SMARCA4: variants seen among roughly 807,000 people sequenced by gnomAD.
The protein encoded by SMARCA4 is SWI/SNF-related matrix-associated actin-dependent regulator of chromatin subfamily A member 4.
A neutral mutation model predicts 193.9 loss-of-function variants in SMARCA4; 31 were observed. The observed-to-expected ratio is 0.16, with a 90% confidence interval of 0.12 to 0.22. SMARCA4 has a LOEUF of 0.22. Ranked by LOEUF, SMARCA4 falls within the 10% of genes least tolerant of loss-of-function variation. SMARCA4 has a pLI of 1.00. For synonymous variants in SMARCA4, 942 were observed against 933.1 expected (o/e 1.01, Z -0.17); for missense variants, 1,148 against 2,296.0 (o/e 0.50, Z 10.22).
At position 11,035,151 on chromosome 19, in the gene SMARCA4, C is replaced by T. The variant is rs2146705623; in HGVS notation, c.4170+19C>T. 6 of 1,602,478 alleles carry T rather than the reference C, an allele frequency of 3.7e-6. No homozygotes were observed. Among genetic ancestry groups the T allele is most frequent in the Non-Finnish European group, 5.1e-6 (6 of 1,174,764 alleles). ...GCTCAAGGTACATGCTGGAGAGGCC[C>T]AGCAGCTGCCGCAGGCCAGCGCCAG... On this transcript the variant is annotated intron_variant, in intron 29 of 34. Coordinates refer to ENST00000344626, the MANE Select transcript of SMARCA4 (RefSeq NM_003072.5).
In SMARCA4 at chr19:10,971,955, A is replaced by AT. The variant is rs539620346; in HGVS notation, c.-32+10799dup. Among the ~76,000 whole-genome samples the AT allele has an allele frequency of 5.8e-3, 727 of 125,180 alleles. 6 individuals are homozygous for AT. Among genetic ancestry groups the AT allele is most frequent in the Non-Finnish European group, 7.4e-3 (436 of 58,576 alleles). 82.1% of individuals were successfully genotyped at this position (125,180 alleles called of 152,430 possible). A position where few individuals can be genotyped will look rare whatever the true frequency, so the allele number is the denominator to read the frequency against. On this transcript the variant is annotated intron_variant, in intron 1 of 34. Transcript: ENST00000344626. ...AGGCGTGCACCACCACGCTTGGCTA[A>AT]TTTTTTTTTTTTTTTTTTGAGACGG...
intron 23 of SMARCA4, 47 bp from the exon 24 acceptor site, chr19:11,027,737 C>T (rs2146538909): frequency 1.2e-6 from 2 of 1,610,320 alleles, no homozygotes; most frequent in Admixed American, 1.7e-5. Context: ...TGCAGGGTTC[C>T]AGGTTTAACA....
At chr19:10,995,896 C>T in intron 9 of SMARCA4, 1 of 433,456 alleles carries the variant, frequency 2.3e-6, no homozygotes, top group Non-Finnish European at 4.4e-6. Flanking sequence ...GGGAGGGATG[C>T]ACCTTGGACT....
At chr19:11,002,756 C>T (rs887291458) in intron 11 of SMARCA4, among the ~76,000 whole-genome samples, 8 of 146,436 alleles carry the variant, frequency 5.5e-5, no homozygotes, top group African/African-American at 2.0e-4. Context: ...GCCGAGATCA[C>T]GCCACTGCAC....
intron 30 of SMARCA4, chr19:11,056,074 A>G (rs1231987628): frequency 6.6e-6 from 1 of 152,244 alleles, no homozygotes; most frequent in African/African-American, 2.4e-5. Flanking sequence ...AAGAGAGAGG[A>G]GAGCTCTTTG....
intron 21 of SMARCA4, among the ~76,000 whole-genome samples, chr19:11,024,836 C>G (rs1428055375): frequency 6.6e-6 from 1 of 152,142 alleles, no homozygotes; most frequent in East Asian, 1.9e-4. Flanking sequence ...TGAAATTATC[C>G]TCCCAGGAAA....
chr19:10,979,743 G>A (rs1170196894), intron 1 of SMARCA4, among the ~76,000 whole-genome samples: 1 of 151,366 alleles, frequency 6.6e-6, no homozygotes, highest in East Asian at 1.9e-4. Context: ...TATTATAGAC[G>A]TGACCCACCA....
intron 23 of SMARCA4, among the ~76,000 whole-genome samples, chr19:11,026,721 ACTC>A (rs1312944517): frequency 6.6e-6 from 1 of 151,130 alleles, no homozygotes; most frequent in African/African-American, 2.4e-5. Flanking sequence ...CTGATCTTGA[ACTC>A]CTGACCTCAA....
chr19:11,056,315 C>G (rs2076543991), intron 30 of SMARCA4: 1 of 152,226 alleles, frequency 6.6e-6, no homozygotes, highest in Admixed American at 6.5e-5. Flanking sequence ...GGCCACCAGC[C>G]CGCTCATAGG....
At chr19:11,002,331 T>G (rs2087714114) in intron 11 of SMARCA4, among the ~76,000 whole-genome samples, 1 of 151,928 alleles carries the variant, frequency 6.6e-6, no homozygotes, top group South Asian at 2.1e-4. Flanking sequence ...TACTAAAAAT[T>G]AGCTGGGCAT....
In SMARCA4 at chr19:11,019,781, C is replaced by A; in HGVS notation, c.2616+80C>A. Reference sequence around the variant, plus strand: ...TCACGCTGCCCGTCTCCTCCAAAGCCCCTACAAGTTTCTTCCCGGAGTCCC... The same window carrying A: ...TCACGCTGCCCGTCTCCTCCAAAGCACCTACAAGTTTCTTCCCGGAGTCCC... On this transcript the variant is annotated intron_variant, in intron 18 of 34. Transcript: ENST00000344626. This position sits in a 1 kb window ranked among gnomAD's most constrained non-coding sequence, Gnocchi z 6.1. 1.0e-6 allele frequency: 1 copy of A among 993,054 alleles called. No homozygotes were observed. The highest frequency in any genetic ancestry group is 1.6e-6 in the Non-Finnish European group (1 of 634,214). 61.5% of individuals were successfully genotyped at this position (993,054 alleles called of 1,614,324 possible). A position where few individuals can be genotyped will look rare whatever the true frequency, so the allele number is the denominator to read the frequency against.
rs777376265 is a variant in SMARCA4, at chr19:11,008,221, A to C, written c.2123+198A>C. On this transcript the variant is annotated intron_variant, in intron 14 of 34. Coordinates refer to ENST00000344626, the MANE Select transcript of SMARCA4 (RefSeq NM_003072.5). ...GATTTAATAGAGCAATTGCATTCGC[A>C]TGGTTCACCATATGCTTACGAGGTA... 7.2e-6 allele frequency: 4 copies of C among 558,390 alleles called. No homozygotes were observed. In the African/African-American group the frequency reaches 7.4e-5, roughly 10 times the overall value. The allele number at this position is 558,390 out of a possible 1,614,324, so 34.6% of individuals were successfully genotyped here.
rs753542143 is a variant in SMARCA4 at position 11,019,001 on chromosome 19, C to T, written c.2483C>T (p.Ser828Phe). 1 of 1,614,110 alleles carries T rather than the reference C, an allele frequency of 6.2e-7. No homozygotes were observed. Among genetic ancestry groups the T allele is most frequent in the Non-Finnish European group, 8.5e-7 (1 of 1,179,914 alleles). Residue 828 changes from serine (S) to phenylalanine (F), a missense_variant, in exon 17 of 35, where the codon TCC becomes TTC. Transcript: ENST00000344626. This position sits in a 1 kb window ranked among gnomAD's most constrained non-coding sequence, Gnocchi z 6.1. ...WAYEFDKWAPSVVKVSYKGSP... is the reference protein window; with the variant it reads ...WAYEFDKWAPFVVKVSYKGSP... ...TACGAGTTTGACAAGTGGGCCCCCT[C>T]CGTGGTGAAGGTGTCTTACAAGGTA...
chr19:11,046,749 A>T (rs898255901), intron 30 of SMARCA4, among the ~76,000 whole-genome samples: 5 of 152,160 alleles, frequency 3.3e-5, no homozygotes, highest in Non-Finnish European at 5.9e-5. Flanking sequence ...TGAGACCAAG[A>T]GTACGAGACC....
rs142239937 is a variant in SMARCA4 at position 11,025,530 on chromosome 19, C to T, written c.3168+22C>T. ...CGAGGTGAGCCCGCCGCGGCTGGGA[C>T]GGCTCAGGCCCTGCTGTCTGCTGAG... On this transcript the variant is annotated intron_variant, in intron 22 of 34. Coordinates refer to ENST00000344626, the MANE Select transcript of SMARCA4 (RefSeq NM_003072.5). The T allele has an allele frequency of 4.3e-4, 686 of 1,586,744 alleles. 1 individual carries two copies. In the African/African-American group the frequency reaches 8.3e-3, roughly 19 times the overall value.
rs1275075876 is a variant in SMARCA4 at position 11,021,769 on chromosome 19, G to A, written c.2661G>A (p.Lys887=). The change falls in exon 19 of 35, where the codon AAG becomes AAA. Residue 887 remains lysine (K), a synonymous_variant. Transcript: ENST00000344626. ...TTGTGGACGAAGGTCACCGCATGAA[G>A]AACCACCACTGCAAGCTGACGCAGG... ...YMIVDEGHRM[K]NHHCKLTQVL... The A allele has an allele frequency of 4.3e-6, 7 of 1,613,548 alleles. No homozygotes were observed. The highest frequency in any genetic ancestry group is 4.2e-6 in the Non-Finnish European group (5 of 1,179,990).
intron 34 of SMARCA4, among the ~76,000 whole-genome samples, chr19:11,061,204 A>AAAAAAAAAAAT (rs1555797070): frequency 3.1e-4 from 14 of 45,220 alleles, no homozygotes; most frequent in African/African-American, 1.2e-3. Context: ...AAAAAAAAAA[A>AAAAAAAAAAAT]ATATATATAT....
rs769415703 is a variant in SMARCA4 at position 10,987,971 on chromosome 19, T to G, written c.1118+47T>G. 1.3e-6 allele frequency: 2 copies of G among 1,598,778 alleles called. No individual in the cohort carries two copies. The highest frequency in any genetic ancestry group is 3.4e-5 in the Admixed American group (2 of 59,588). ...CAAGGTCACTGCCCTGTGTCCCCCATGTCCCCCTGGGGAAGCCACTCAACT... is the reference window on the plus strand; with the variant it reads ...CAAGGTCACTGCCCTGTGTCCCCCAGGTCCCCCTGGGGAAGCCACTCAACT... On this transcript the variant is annotated intron_variant, in intron 6 of 34. Coordinates refer to ENST00000344626, the MANE Select transcript of SMARCA4 (RefSeq NM_003072.5). This position sits in a 1 kb window ranked among gnomAD's most constrained non-coding sequence, Gnocchi z 5.3.
At chr19:10,994,208 AT>A (rs1340192630) in intron 8 of SMARCA4, among the ~76,000 whole-genome samples, 1 of 146,618 alleles carries the variant, frequency 6.8e-6, no homozygotes, top group Non-Finnish European at 1.5e-5. Flanking sequence ...CCTGGCTAAT[AT>A]TTTTTGTATT....
Sources: gnomAD v4.1 joint callset for allele counts (sites outside exome capture counted in the v4.1 genomes callset) on GRCh38, gnomAD v4.1.1 for gene constraint, Gnocchi (gnomAD v3.1) non-coding constraint, MANE v1.5 for transcripts, NCBI Gene and HGNC (gene_info 2026-07-23, HGNC 2026-07-21) for gene names.